Variants in ZYG11B observed in about 807,000 individuals in gnomAD.
ZYG11B encodes zyg-11 family member B, cell cycle regulator.
Under a neutral mutation model 82.4 loss-of-function variants are expected in ZYG11B, and 36 were observed. The observed-to-expected ratio is 0.44, with a 90% CI of 0.33 to 0.58. The LOEUF (loss-of-function observed/expected upper bound fraction) is 0.58. Ranked by LOEUF, ZYG11B falls within the 20% of genes least tolerant of loss-of-function variation. The pLI, the probability that ZYG11B is intolerant of heterozygous loss-of-function variation, is 0.02. For missense variants in ZYG11B, 552 were observed against 895.6 expected (o/e 0.62, Z 4.90); for synonymous variants, 303 against 312.8 (o/e 0.97, Z 0.33).
At chr1:52,750,155 T>C (rs1197230742) in intron 1 of ZYG11B, among the ~76,000 whole-genome samples, 1 of 152,134 alleles carries the variant, frequency 6.6e-6, no homozygotes, top group African/African-American at 2.4e-5. Flanking sequence ...AGTAGAGCAG[T>C]GGCACAATGT....
intron 1 of ZYG11B, among the ~76,000 whole-genome samples, chr1:52,733,491 T>G (rs1056728948): frequency 2.0e-5 from 3 of 152,022 alleles, no homozygotes; most frequent in African/African-American, 7.2e-5. Flanking sequence ...CTGGACAAGA[T>G]AGTGAGACCC....
chr1:52,821,769 C>CCTG lies in ZYG11B; in HGVS notation c.*140_*141insCTG. 1 of 672,190 alleles carries CCTG rather than the reference C, an allele frequency of 1.5e-6. No individual in the cohort carries two copies. The highest frequency in any genetic ancestry group is 2.4e-6 in the Non-Finnish European group (1 of 416,372). 41.6% of individuals were successfully genotyped at this position (672,190 alleles called of 1,614,324 possible). On this transcript the variant is annotated 3_prime_UTR_variant, in exon 14 of 14. Coordinates refer to ENST00000294353, the MANE Select transcript of ZYG11B (RefSeq NM_024646.3). ...AGTTTGGGATTGATAATGTGTAGTA[C>CCTG]TGCCCATGTGAACAGTCTCTAATTT...
rs754712309 is a variant in ZYG11B, at chr1:52,771,302, G to T, written c.479G>T (p.Arg160Leu). ...GATCCTTACGAGCGCTGCTTCAGCC[G>T]GCTTTCTGGCCTTCGAGCTTTAAGC... ...LEDPYERCFS[R>L]LSGLRALSIT... The change falls in exon 3 of 14, where the codon CGG becomes CTG. Residue 160 changes from arginine to leucine, a missense_variant. Physicochemically the swap from Arg to Leu is moderately radical, Grantham distance 102. This residue lies in a region of ZYG11B where 359 missense variants were observed against 555.8 expected (regional missense o/e 0.65). Coordinates refer to ENST00000294353, the MANE Select transcript of ZYG11B (RefSeq NM_024646.3). The surrounding 1 kb of genome is among the most constrained non-coding windows in gnomAD (Gnocchi z 5.4). 1 of 1,614,204 alleles carries T rather than the reference G, an allele frequency of 6.2e-7. No homozygotes were observed. The highest frequency in any genetic ancestry group is 8.5e-7 in the Non-Finnish European group (1 of 1,180,044).
chr1:52,747,806 CTA>C (rs1644489418), intron 1 of ZYG11B, among the ~76,000 whole-genome samples: 1 of 152,140 alleles, frequency 6.6e-6, no homozygotes, highest in Admixed American at 6.6e-5. Context: ...AGATTTAACT[CTA>C]GAGTCAGATT....
chr1:52,741,298 C>CAAAAA lies in ZYG11B; in HGVS notation c.30+14632_30+14636dup, dbSNP rs770092920. On this transcript the variant is annotated intron_variant, in intron 1 of 13. Transcript: ENST00000294353. ...GGGGCAAAAGAGTGAGACTTCGTCT[C>CAAAAA]AAAAAAAAAAAAAAAAAAAAAGAAA... Among the ~76,000 whole-genome samples, 312 of 70,710 alleles carry CAAAAA rather than the reference C, an allele frequency of 4.4e-3. 8 individuals carry two copies. Among genetic ancestry groups the CAAAAA allele is most frequent in the Middle Eastern group, 0.023 (2 of 86 alleles). The allele number at this position is 70,710 out of a possible 152,430, so 46.4% of individuals were successfully genotyped here.
intron 2 of ZYG11B, among the ~76,000 whole-genome samples, chr1:52,767,614 A>C (rs1644709569): frequency 1.3e-5 from 2 of 152,094 alleles, no homozygotes; most frequent in South Asian, 4.2e-4. Context: ...GATTAGGGTT[A>C]ATGTTCTTTC....
At position 52,803,157 on chromosome 1, in the gene ZYG11B, C is replaced by CACAT. The variant is rs1553262819; in HGVS notation, c.1695+1019_1695+1020insCATA. Among the ~76,000 whole-genome samples the CACAT allele has an allele frequency of 1.1e-3, 48 of 42,828 alleles. 3 individuals carry two copies. The highest frequency in any genetic ancestry group is 0.028 in the Middle Eastern group (2 of 72). 28.1% of individuals were successfully genotyped at this position (42,828 alleles called of 152,430 possible). A position where few individuals can be genotyped will look rare whatever the true frequency, so the allele number is the denominator to read the frequency against. On this transcript the variant is annotated intron_variant, in intron 10 of 13. Coordinates refer to ENST00000294353, the MANE Select transcript of ZYG11B (RefSeq NM_024646.3). The stretch of plus-strand genomic sequence containing the variant: ...ATACACACATATATATATATATACA[C>CACAT]ATATATATATACACACATATATATA...
At chr1:52,797,095 TTACATATTG>T (rs1645021782) in intron 8 of ZYG11B, among the ~76,000 whole-genome samples, 1 of 73,448 alleles carries the variant, frequency 1.4e-5, no homozygotes, top group African/African-American at 8.7e-5. Context: ...TATTTATATA[TTACATATTG>T]TATATATTTA....
In ZYG11B at chr1:52,825,670, AAAAAG is replaced by A. The variant is rs1016141610; in HGVS notation, c.*4042_*4046del. ...GGCTATGTTAAAAAAAAAAAAAAAA[AAAAAG>A]CGAGAGAGAGAGATGGTGTCTCACT... On this transcript the variant is annotated 3_prime_UTR_variant, in exon 14 of 14. Transcript: ENST00000294353. 1.3e-5 allele frequency: 2 copies of A among 151,290 alleles called. No individual in the cohort carries two copies. The allele number at this position is 151,290 out of a possible 1,614,324, so 9.4% of individuals were successfully genotyped here.
Position 52,794,044 on chromosome 1 carries a change from A to T in ZYG11B, c.1335-2248A>T, listed in dbSNP as rs1644985851. 2.0e-5 allele frequency among the ~76,000 whole-genome samples: 3 copies of T among 151,414 alleles called. 1 individual carries two copies. The South Asian group carries it at 6.3e-4, about 32-fold the overall frequency. On this transcript the variant is annotated intron_variant, in intron 6 of 13. Transcript: ENST00000294353. ...GGCTGGAGTGCAGTGGCGTGATCTCAGCTCACTGCAGCCTCTGCCTCCCGG... is the reference window on the plus strand; with the variant it reads ...GGCTGGAGTGCAGTGGCGTGATCTCTGCTCACTGCAGCCTCTGCCTCCCGG...
chr1:52,749,666 C>T (rs745620406), intron 1 of ZYG11B, among the ~76,000 whole-genome samples: 1 of 151,918 alleles, frequency 6.6e-6, no homozygotes, highest in South Asian at 2.1e-4. Flanking sequence ...TGCAATGGTG[C>T]GATCTTGGCT....
chr1:52,752,768 G>T (rs1044265182), intron 1 of ZYG11B, among the ~76,000 whole-genome samples: 1 of 152,192 alleles, frequency 6.6e-6, no homozygotes, highest in Non-Finnish European at 1.5e-5. Context: ...CCCAGTTGGT[G>T]TCAGAACTGG....
chr1:52,814,956 G>A (rs1645211538), intron 12 of ZYG11B, among the ~76,000 whole-genome samples: 3 of 152,150 alleles, frequency 2.0e-5, no homozygotes, highest in South Asian at 2.1e-4. Context: ...CCAGGAGTTC[G>A]AGACCAGCTT....
intron 2 of ZYG11B, among the ~76,000 whole-genome samples, chr1:52,767,267 T>TTTATGTTATG (rs1238636636): frequency 9.7e-5 from 10 of 103,184 alleles, no homozygotes; most frequent in South Asian, 6.0e-4. Flanking sequence ...GTTATTTTAT[T>TTTATGTTATG]TTGTTATTTT....
Position 52,825,968 on chromosome 1 carries a change from C to A in ZYG11B, c.*4339C>A, listed in dbSNP as rs190369616. 3 of 152,228 alleles carry A rather than the reference C, an allele frequency of 2.0e-5. No homozygotes were observed. The highest frequency in any genetic ancestry group is 7.2e-5 in the African/African-American group (3 of 41,542). The allele number at this position is 152,228 out of a possible 1,614,324, so 9.4% of individuals were successfully genotyped here. A position where few individuals can be genotyped will look rare whatever the true frequency, so the allele number is the denominator to read the frequency against. On this transcript the variant is annotated 3_prime_UTR_variant, in exon 14 of 14. Transcript: ENST00000294353. ...ACTATAGAACAATACCCCTATAGAACAATGTACAGCTGCACCCAAGGTTAA... is the reference window on the plus strand; with the variant it reads ...ACTATAGAACAATACCCCTATAGAAAAATGTACAGCTGCACCCAAGGTTAA...
chr1:52,797,856 A>T (rs1474758708), intron 8 of ZYG11B, among the ~76,000 whole-genome samples: 2 of 150,356 alleles, frequency 1.3e-5, no homozygotes, highest in Non-Finnish European at 3.0e-5. Flanking sequence ...GCATGCGGTG[A>T]CCCACACCTG....
intron 7 of ZYG11B, 121 bp from the exon 8 acceptor site, chr1:52,796,613 C>T: frequency 1.1e-6 from 1 of 937,094 alleles, no homozygotes; most frequent in Non-Finnish European, 1.6e-6. Flanking sequence ...AACCGATATG[C>T]AGCAGAATTC....
rs537805200 is a variant in ZYG11B at position 52,753,919 on chromosome 1, C to T, written c.31-2539C>T. ...TCACTTTTTGTATTTTTACTAGAGA[C>T]AGGGTTTTACCATGTTGGCCAGGCT... On this transcript the variant is annotated intron_variant, in intron 1 of 13. Transcript: ENST00000294353. 2.0e-5 allele frequency among the ~76,000 whole-genome samples: 3 copies of T among 152,118 alleles called. No individual in the cohort carries two copies. The East Asian group carries it at 5.8e-4, about 29-fold the overall frequency.
Position 52,826,346 on chromosome 1 carries a change from T to A in ZYG11B, c.*4717T>A, listed in dbSNP as rs1006626997. 11 of 152,232 alleles carry A rather than the reference T, an allele frequency of 7.2e-5. No individual in the cohort carries two copies. The highest frequency in any genetic ancestry group is 1.2e-4 in the Non-Finnish European group (8 of 68,040). The allele number at this position is 152,232 out of a possible 1,614,324, so 9.4% of individuals were successfully genotyped here. On this transcript the variant is annotated 3_prime_UTR_variant, in exon 14 of 14. Coordinates refer to ENST00000294353, the MANE Select transcript of ZYG11B (RefSeq NM_024646.3). ...TAATGGATGTTTAGTCCTTATCATT[T>A]GCTGTGTTTTGACAGTTTTTAATTT... is the stretch of plus-strand genomic sequence containing the variant.
Sources: gnomAD v4.1 joint callset for allele counts (sites outside exome capture counted in the v4.1 genomes callset) on GRCh38, gnomAD v4.1.1 for gene constraint, gnomAD v4.1.1 regional missense constraint, Gnocchi (gnomAD v3.1) non-coding constraint, MANE v1.5 for transcripts, NCBI Gene and HGNC (gene_info 2026-07-23, HGNC 2026-07-21) for gene names.